PCDHA3: variants seen among roughly 807,000 people sequenced by gnomAD.
PCDHA3 encodes protocadherin alpha-3.
A neutral mutation model predicts 62.2 loss-of-function variants in PCDHA3; 41 were observed. The ratio of observed to expected loss-of-function variants is 0.66; its 90% confidence interval spans 0.51 to 0.86. The LOEUF (loss-of-function observed/expected upper bound fraction) is 0.86. Among genes scored for constraint, PCDHA3 ranks in the 40% least tolerant of loss-of-function variants. The probability of loss-of-function intolerance (pLI) is 0.00; values close to 1 mark genes in which losing one functional copy is unlikely to be tolerated. For missense variants in PCDHA3, 1,304 were observed against 1,241.2 expected, an observed-to-expected ratio of 1.05 and a Z score of -0.76; for synonymous variants, 640 against 555.4, an observed-to-expected ratio of 1.15 and a Z score of -2.14.
At chr5:140,991,356 T>C (rs574243681) in intron 3 of PCDHA3, among the ~76,000 whole-genome samples, 2 of 152,366 alleles carry the variant, frequency 1.3e-5, no homozygotes, top group Non-Finnish European at 2.9e-5. Flanking sequence ...AAAAGACTAT[T>C]TACTGTCTGA....
intron 1 of PCDHA3, chr5:140,804,407 T>A (rs1554123071): frequency 6.6e-6 from 1 of 152,034 alleles, no homozygotes; most frequent in African/African-American, 2.4e-5. Flanking sequence ...AGTTGTATAG[T>A]ATATTTATAT....
intron 1 of PCDHA3, among the ~76,000 whole-genome samples, chr5:140,951,423 C>T (rs1324305371): frequency 6.6e-6 from 1 of 152,014 alleles, no homozygotes; most frequent in Non-Finnish European, 1.5e-5. Flanking sequence ...CTCACAGTTC[C>T]ACAGGCTGTA....
chr5:140,899,491 A>T (rs1333944586), intron 1 of PCDHA3, among the ~76,000 whole-genome samples: 1 of 152,196 alleles, frequency 6.6e-6, no homozygotes, highest in East Asian at 1.9e-4. Flanking sequence ...GCTGGATTAC[A>T]TTTATTGATT....
intron 1 of PCDHA3, chr5:140,866,748 C>CT (rs2049539198): frequency 6.6e-6 from 1 of 152,148 alleles, no homozygotes; most frequent in Non-Finnish European, 1.5e-5. Context: ...ACTTATATGA[C>CT]TAACAGGACA....
chr5:140,908,756 C>A (rs2074138062), intron 1 of PCDHA3, among the ~76,000 whole-genome samples: 1 of 152,106 alleles, frequency 6.6e-6, no homozygotes, highest in Non-Finnish European at 1.5e-5. Flanking sequence ...TTGCACACAG[C>A]CTGGACGTGT....
intron 1 of PCDHA3, among the ~76,000 whole-genome samples, chr5:140,805,928 G>T (rs1318233063): frequency 3.9e-5 from 6 of 152,090 alleles, no homozygotes; most frequent in African/African-American, 1.4e-4. Flanking sequence ...GAAATATTAG[G>T]TAAGTCCCTC....
In PCDHA3 at chr5:140,801,682, T is replaced by G. The variant is rs563939423; in HGVS notation, c.485T>G (p.Ile162Ser). ...CTAGAGGGCGCATCAGATGCAGATA[T>G]CGGAACAAATTCGTTGTTGACTTAC... ...FSLEGASDAD[I>S]GTNSLLTYSL... The change falls in exon 1 of 4, where the codon ATC becomes AGC. Residue 162 changes from isoleucine (I) to serine (S), a missense_variant. Transcript: ENST00000522353. The G allele has an allele frequency of 1.2e-6, 2 of 1,614,094 alleles. No individual in the cohort carries two copies. Among genetic ancestry groups the G allele is most frequent in the Admixed American group, 1.7e-5 (1 of 60,014 alleles).
At chr5:140,878,516 G>A (rs2057626740) in intron 1 of PCDHA3, among the ~76,000 whole-genome samples, 1 of 152,122 alleles carries the variant, frequency 6.6e-6, no homozygotes. Context: ...CAGTACAGTT[G>A]GTAACCAACT....
intron 2 of PCDHA3, among the ~76,000 whole-genome samples, chr5:140,979,726 G>A (rs2096861839): frequency 1.3e-5 from 2 of 152,072 alleles, no homozygotes; most frequent in African/African-American, 4.8e-5. Context: ...CATGCCATGG[G>A]GCCAAATAAA....
intron 1 of PCDHA3, chr5:140,928,585 G>C: frequency 2.5e-6 from 4 of 1,614,194 alleles, no homozygotes; most frequent in Non-Finnish European, 3.4e-6. Flanking sequence ...AAATGGTTCT[G>C]TCCCAGTGGA....
In PCDHA3 at chr5:140,857,452, G is replaced by T. The variant is rs782723934; in HGVS notation, c.2394+53861G>T. 4.4e-6 allele frequency: 7 copies of T among 1,598,562 alleles called. No individual in the cohort carries two copies. The East Asian group carries it at 6.7e-5, about 15-fold the overall frequency. ...CGGTGTTCGTGAAGGAGAACAACCC[G>T]CCAGGCTGCCACATCTTCACGGTGT... On this transcript the variant is annotated intron_variant, in intron 1 of 3. Transcript: ENST00000522353.
chr5:140,929,179 G>T (rs782673786), intron 1 of PCDHA3: 5 of 1,614,104 alleles, frequency 3.1e-6, no homozygotes, highest in Non-Finnish European at 4.2e-6. Context: ...TCTGGGACTT[G>T]GTTCTGATAA....
intron 1 of PCDHA3, among the ~76,000 whole-genome samples, chr5:140,899,817 T>C (rs1360189018): frequency 6.6e-6 from 1 of 152,178 alleles, no homozygotes; most frequent in East Asian, 1.9e-4. Flanking sequence ...TTGTTTTGTT[T>C]TTCCTTTTTG....
chr5:140,819,189 C>T (rs1290889334), intron 1 of PCDHA3, among the ~76,000 whole-genome samples: 1 of 152,108 alleles, frequency 6.6e-6, no homozygotes, highest in African/African-American at 2.4e-5. Context: ...GACATATGTG[C>T]ATAAATTATT....
At chr5:140,875,391 A>G (rs1582202337) in intron 1 of PCDHA3, 2 of 1,472,582 alleles carry the variant, frequency 1.4e-6, no homozygotes, top group African/African-American at 2.8e-5. Flanking sequence ...ACTTACAGAA[A>G]AGGGTGACTG....
At chr5:140,993,406 T>C (rs1382987714) in intron 3 of PCDHA3, among the ~76,000 whole-genome samples, 2 of 150,998 alleles carry the variant, frequency 1.3e-5, no homozygotes, top group South Asian at 4.2e-4. Flanking sequence ...TTAACCACCT[T>C]CATCAGCATT....
chr5:140,977,314 C>T (rs905353961), intron 1 of PCDHA3, among the ~76,000 whole-genome samples: 1 of 152,152 alleles, frequency 6.6e-6, no homozygotes, highest in Non-Finnish European at 1.5e-5. Context: ...AACGATAGTG[C>T]TCCTGATGGC....
At chr5:140,809,040 C>A in intron 1 of PCDHA3, 1 of 1,613,822 alleles carries the variant, frequency 6.2e-7, no homozygotes, top group South Asian at 1.1e-5. Flanking sequence ...ACTGGTGGCG[C>A]GCGCATCCCG....
chr5:140,893,568 C>T (rs1554185659), intron 1 of PCDHA3, among the ~76,000 whole-genome samples: 1 of 152,150 alleles, frequency 6.6e-6, no homozygotes, highest in Non-Finnish European at 1.5e-5. Flanking sequence ...TGTACTTCCT[C>T]AGTTTTTGCT....
Sources: gnomAD v4.1 joint callset for allele counts (sites outside exome capture counted in the v4.1 genomes callset) on GRCh38, gnomAD v4.1.1 for gene constraint, MANE v1.5 for transcripts, NCBI Gene and HGNC (gene_info 2026-07-23, HGNC 2026-07-21) for gene names.